MEI1: variants seen among roughly 807,000 people sequenced by gnomAD.
The protein encoded by MEI1 is meiotic double-stranded break formation protein 1.
MEI1 carries 103 observed loss-of-function variants against 146.2 expected under a neutral mutation model. That is an observed-to-expected ratio of 0.70 (90% CI 0.60 to 0.83). The LOEUF is 0.83. Among genes scored for constraint, MEI1 ranks in the 40% least tolerant of loss-of-function variants. The pLI is 0.00. For synonymous variants in MEI1, 652 were observed against 628.2 expected (o/e 1.04, Z -0.57); for missense variants, 1,529 against 1,533.0 (o/e 1.00, Z 0.04).
In MEI1 at chr22:41,732,551, C is replaced by T; in HGVS notation, c.1279C>T (p.Pro427Ser). Residue 427 changes from proline to serine, a missense_variant, in exon 11 of 31, where the codon CCT (proline) becomes TCT (serine). Physicochemically the swap from Pro to Ser is moderately conservative, Grantham distance 74. Around this residue, in one of 3 missense-constraint regions of MEI1, gnomAD observed 1,212 missense variants for 1,178.9 expected, o/e 1.03. Coordinates refer to ENST00000401548, the MANE Select transcript of MEI1 (RefSeq NM_152513.4). ...TGCCCTCCAAGAAGCAGTTAGCAGC[C>T]CTGTGCTGGAGGTGGCTGCTGAGGC... The part of the protein sequence containing the change: ...GRALQEAVSS[P>S]VLEVAAEALK... The T allele has an allele frequency of 6.2e-7, 1 of 1,613,826 alleles. No homozygotes were observed. The highest frequency in any genetic ancestry group is 1.6e-4 in the Middle Eastern group (1 of 6,062).
chr22:41,761,514 C>T (rs1052312029), intron 18 of MEI1, among the ~76,000 whole-genome samples: 1 of 152,106 alleles, frequency 6.6e-6, no homozygotes, highest in Admixed American at 6.5e-5. Context: ...CGGAGTTTCA[C>T]TGTGTTAGCC....
At chr22:41,709,615 C>T (rs2069381553) in intron 3 of MEI1, 1 of 385,402 alleles carries the variant, frequency 2.6e-6, no homozygotes. Flanking sequence ...GTGGCTCTTC[C>T]TTTTTTTTTG....
intron 21 of MEI1, 23 bp downstream of exon 21, chr22:41,776,290 C>A: frequency 6.2e-7 from 1 of 1,611,828 alleles, no homozygotes; most frequent in Non-Finnish European, 8.5e-7. Flanking sequence ...GTGCTGTGGG[C>A]ACACTTTGAC....
chr22:41,730,652 T>A lies in MEI1; in HGVS notation c.1096+15T>A. On this transcript the variant is annotated intron_variant, in intron 9 of 30. Transcript: ENST00000401548. ...CACGGTGTATGGTTGGTAGTAAGGG[T>A]CCTGTACTAGCTTTGGGTTGGGTGG... 1 of 1,568,344 alleles carries A rather than the reference T, an allele frequency of 6.4e-7. No homozygotes were observed. Among genetic ancestry groups the A allele is most frequent in the Non-Finnish European group, 8.8e-7 (1 of 1,138,460 alleles).
intron 24 of MEI1, among the ~76,000 whole-genome samples, chr22:41,783,705 GA>G (rs2075846090): frequency 6.6e-6 from 1 of 152,056 alleles, no homozygotes; most frequent in African/African-American, 2.4e-5. Context: ...ATTTTTTAAA[GA>G]AATGGAATCT....
Position 41,784,657 on chromosome 22 carries a change from TGCCCTGGTA to T in MEI1, c.3228_3236del (p.Ala1077_Val1079del). Reference sequence around the variant, plus strand: ...CAGCCCTGCGACAAAGCTTTTCCTCTGCCCTGGTAGCCCTGGTGCCCTCAGGGGCCCAGC... The same window carrying T: ...CAGCCCTGCGACAAAGCTTTTCCTCTGCCCTGGTGCCCTCAGGGGCCCAGC... On this transcript the variant is annotated inframe_deletion, in exon 26 of 31. Transcript: ENST00000401548. 1 of 1,613,806 alleles carries T rather than the reference TGCCCTGGTA, an allele frequency of 6.2e-7. No individual in the cohort carries two copies. The highest frequency in any genetic ancestry group is 8.5e-7 in the Non-Finnish European group (1 of 1,179,892).
chr22:41,787,156 C>T (rs1265481812), intron 26 of MEI1, among the ~76,000 whole-genome samples: 1 of 152,188 alleles, frequency 6.6e-6, no homozygotes, highest in Admixed American at 6.6e-5. Context: ...TCTGGTTAAT[C>T]TTTGTGTGTC....
At chr22:41,788,875 C>G (rs750368858) in intron 26 of MEI1, among the ~76,000 whole-genome samples, 1 of 152,156 alleles carries the variant, frequency 6.6e-6, no homozygotes, top group African/African-American at 2.4e-5. Context: ...GTCTTGCTGT[C>G]GCCCAAGCTA....
intron 19 of MEI1, among the ~76,000 whole-genome samples, chr22:41,770,377 A>G (rs1026756298): frequency 2.0e-5 from 3 of 151,940 alleles, no homozygotes; most frequent in African/African-American, 7.3e-5. Flanking sequence ...TAAGCTTTGT[A>G]GGATATTTAG....
intron 13 of MEI1, among the ~76,000 whole-genome samples, chr22:41,745,321 C>T (rs973557468): frequency 1.1e-4 from 17 of 152,140 alleles, no homozygotes; most frequent in African/African-American, 3.1e-4. Context: ...TATTCACCTT[C>T]GTTCCCCACC....
intron 16 of MEI1, 180 bp from the exon 17 acceptor site, chr22:41,753,767 CTG>C: frequency 9.2e-6 from 5 of 542,460 alleles, no homozygotes; most frequent in Non-Finnish European, 1.7e-5. Context: ...GCATAAGCCA[CTG>C]TGCCCAGCCC....
At chr22:41,723,545 C>A (rs2071054712) in intron 6 of MEI1, among the ~76,000 whole-genome samples, 1 of 152,120 alleles carries the variant, frequency 6.6e-6, no homozygotes, top group Non-Finnish European at 1.5e-5. Context: ...TTTGTTTCTC[C>A]TACAGGAGTG....
chr22:41,703,569 T>G (rs946657579), intron 2 of MEI1, 115 bp downstream of exon 2: 5 of 936,750 alleles, frequency 5.3e-6, no homozygotes, highest in East Asian at 3.1e-5. Context: ...TTGTAATACT[T>G]TATCAGCAAA....
chr22:41,705,708 C>G (rs1023791091), intron 3 of MEI1, among the ~76,000 whole-genome samples, 154 bp downstream of exon 3: 1 of 137,020 alleles, frequency 7.3e-6, no homozygotes, highest in African/African-American at 2.7e-5. Flanking sequence ...TTGTTTTTTA[C>G]TTTTTTTTTT....
At chr22:41,703,503 A>G in intron 2 of MEI1, 49 bp downstream of exon 2, 1 of 1,450,818 alleles carries the variant, frequency 6.9e-7, no homozygotes, top group Non-Finnish European at 9.1e-7. Context: ...TATAGTATGT[A>G]TATCTGCTTT....
intron 17 of MEI1, among the ~76,000 whole-genome samples, chr22:41,758,155 T>C (rs2074218933): frequency 6.6e-6 from 1 of 151,994 alleles, no homozygotes; most frequent in Non-Finnish European, 1.5e-5. Flanking sequence ...TTGAGACATA[T>C]CCATGTCCTT....
chr22:41,741,068 G>T (rs979303674), intron 11 of MEI1, among the ~76,000 whole-genome samples: 1 of 152,156 alleles, frequency 6.6e-6, no homozygotes, highest in Admixed American at 6.5e-5. Context: ...GCGCCACCAT[G>T]CCCAGCTAAA....
chr22:41,776,248 T>C lies in MEI1; in HGVS notation c.2691T>C (p.His897=), dbSNP rs754389673. 1 of 1,613,726 alleles carries C rather than the reference T, an allele frequency of 6.2e-7. No homozygotes were observed. Among genetic ancestry groups the C allele is most frequent in the Non-Finnish European group, 8.5e-7 (1 of 1,179,850 alleles). ...LLILQRLLVE[H]GASPSGASGN... ...TCCTGCAGCGTCTGCTAGTGGAGCA[T>C]GGGGCATCCCCATCAGGAGGTCAGT... The change falls in exon 21 of 31, where the codon CAT becomes CAC. Residue 897 remains histidine (H), a synonymous_variant. Coordinates refer to ENST00000401548, the MANE Select transcript of MEI1 (RefSeq NM_152513.4).
At chr22:41,761,081 G>A (rs1350421031) in intron 18 of MEI1, among the ~76,000 whole-genome samples, 1 of 152,074 alleles carries the variant, frequency 6.6e-6, no homozygotes, top group Non-Finnish European at 1.5e-5. Flanking sequence ...GAAGGCTGAG[G>A]TAGGTGGATC....
Sources: gnomAD v4.1 joint callset for allele counts (sites outside exome capture counted in the v4.1 genomes callset) on GRCh38, gnomAD v4.1.1 for gene constraint, gnomAD v4.1.1 regional missense constraint, MANE v1.5 for transcripts, NCBI Gene and HGNC (gene_info 2026-07-23, HGNC 2026-07-21) for gene names.